The following PEPD variants were observed in gnomAD, a reference collection of about 807,000 sequenced individuals.
PEPD encodes the protein peptidase D.
PEPD carries 53 observed loss-of-function variants against 60.7 expected under a neutral mutation model. The ratio of observed to expected loss-of-function variants is 0.87; its 90% CI spans 0.70 to 1.10. The LOEUF (loss-of-function observed/expected upper bound fraction) is 1.10. Among genes scored for constraint, PEPD ranks in the 50% least tolerant of loss-of-function variants. The pLI, the probability that PEPD is intolerant of heterozygous loss-of-function variation, is 0.00. For missense variants in PEPD, 711 were observed against 711.9 expected, an observed-to-expected ratio of 1.00 and a Z score of 0.01; for synonymous variants, 267 against 284.1, an observed-to-expected ratio of 0.94 and a Z score of 0.60.
At position 33,416,077 on chromosome 19, in the gene PEPD, G is replaced by T. The variant is rs372786253; in HGVS notation, c.672-2434C>A. On this transcript the variant is annotated intron_variant, in intron 9 of 14. Coordinates refer to ENST00000244137, the MANE Select transcript of PEPD (RefSeq NM_000285.4). ...GGGGCCTGTGGAAGCGTGTGAGCCCGGCGCGGCACAGTTCTGATCTTCAAG... is the reference window on the plus strand; with the variant it reads ...GGGGCCTGTGGAAGCGTGTGAGCCCTGCGCGGCACAGTTCTGATCTTCAAG... Among the ~76,000 whole-genome samples the T allele has an allele frequency of 1.8e-3, 280 of 152,320 alleles. No homozygotes were observed. In the Middle Eastern group the frequency reaches 0.02, roughly 11 times the overall value.
chr19:33,519,570 G>A (rs999500750), intron 1 of PEPD, among the ~76,000 whole-genome samples: 2 of 152,200 alleles, frequency 1.3e-5, no homozygotes, highest in African/African-American at 4.8e-5. Context: ...CTGCTCTAAA[G>A]GAAGCCACTG....
At position 33,507,562 on chromosome 19, in the gene PEPD, G is replaced by T. The variant is rs541937030; in HGVS notation, c.329+3466C>A. 9.2e-5 allele frequency among the ~76,000 whole-genome samples: 14 copies of T among 152,246 alleles called. 2 individuals carry two copies. The South Asian group carries it at 2.1e-3, about 23-fold the overall frequency. On this transcript the variant is annotated intron_variant, in intron 3 of 14. Coordinates refer to ENST00000244137, the MANE Select transcript of PEPD (RefSeq NM_000285.4). The stretch of plus-strand genomic sequence containing the variant: ...GGTGTCGTTTCCCTGGGCGACTTTG[G>T]ATTGCAGTATCTGCCAGATGGATTT...
intron 11 of PEPD, among the ~76,000 whole-genome samples, chr19:33,402,673 C>T (rs1968526756): frequency 6.6e-6 from 1 of 152,234 alleles, no homozygotes; most frequent in South Asian, 2.1e-4. Flanking sequence ...AGGTGGGCCC[C>T]CTCACCCTGT....
At chr19:33,415,448 G>T (rs1401579090) in intron 9 of PEPD, among the ~76,000 whole-genome samples, 1 of 152,192 alleles carries the variant, frequency 6.6e-6, no homozygotes, top group Non-Finnish European at 1.5e-5. Context: ...AAGGTTGGAG[G>T]ACTGCTTGAG....
intron 9 of PEPD, among the ~76,000 whole-genome samples, chr19:33,457,571 G>T (rs774082282): frequency 4.6e-5 from 7 of 152,160 alleles, no homozygotes; most frequent in Non-Finnish European, 7.4e-5. Context: ...GCCCAGGCTG[G>T]AATGCAGAGG....
chr19:33,513,760 A>G (rs748807401), intron 1 of PEPD, among the ~76,000 whole-genome samples: 3 of 151,538 alleles, frequency 2.0e-5, no homozygotes, highest in Non-Finnish European at 2.9e-5. Flanking sequence ...GGCTTCCTCT[A>G]CTGTGGCACG....
Position 33,521,778 on chromosome 19 carries a change from G to A in PEPD, c.-18C>T, listed in dbSNP as rs923940760. 2.5e-5 allele frequency: 40 copies of A among 1,569,104 alleles called. No homozygotes were observed. Among genetic ancestry groups the A allele is most frequent in the Non-Finnish European group, 3.3e-5 (38 of 1,162,498 alleles). ...GCCGCCATGTTCGCCCGGCACCGGC[G>A]TCACGTGAAGTGCGGCGTCAGCTGA... On this transcript the variant is annotated 5_prime_UTR_variant, in exon 1 of 15. The change creates a new upstream start codon in the 5' untranslated region. Transcript: ENST00000244137.
intron 9 of PEPD, among the ~76,000 whole-genome samples, chr19:33,416,786 G>C (rs1301917830): frequency 6.6e-6 from 1 of 152,204 alleles, no homozygotes; most frequent in Admixed American, 6.5e-5. Context: ...TTGTATCCAG[G>C]CATAAGTGAG....
intron 12 of PEPD, among the ~76,000 whole-genome samples, chr19:33,396,973 T>A (rs1431920654): frequency 6.6e-6 from 1 of 152,080 alleles, no homozygotes; most frequent in Admixed American, 6.5e-5. Context: ...CCTCCCCCCA[T>A]TCCCCTCACC....
chr19:33,432,930 C>CTCCTCGGCT (rs1969303898), intron 9 of PEPD, among the ~76,000 whole-genome samples: 1 of 152,228 alleles, frequency 6.6e-6, no homozygotes, highest in Non-Finnish European at 1.5e-5. Context: ...GCACCTCGGC[C>CTCCTCGGCT]TCCTCGGCTA....
At chr19:33,489,702 T>C (rs1006122844) in intron 6 of PEPD, among the ~76,000 whole-genome samples, 3 of 152,002 alleles carry the variant, frequency 2.0e-5, no homozygotes, top group East Asian at 1.9e-4. Flanking sequence ...AGCAGATGTT[T>C]AGAGGGAAAA....
rs1395928832 is a variant in PEPD at position 33,462,996 on chromosome 19, T to G, written c.670A>C (p.Ser224Arg). ...KVGMKEYELE[S>R]LFEHYCYSRG... ...ACCCGGAGAAACATGGTGGCTTACCTTTCCAACTCATATTCTTTCATTCCC... is the reference window on the plus strand; with the variant it reads ...ACCCGGAGAAACATGGTGGCTTACCGTTCCAACTCATATTCTTTCATTCCC... Residue 224 changes from serine to arginine, a missense_variant and splice_region_variant, in exon 9 of 15, where the codon AGC becomes CGC. Ser to Arg is a moderately radical substitution (Grantham distance 110). Transcript: ENST00000244137. 6.3e-7 allele frequency: 1 copy of G among 1,589,602 alleles called. No homozygotes were observed. The highest frequency in any genetic ancestry group is 8.6e-7 in the Non-Finnish European group (1 of 1,157,694).
chr19:33,504,012 A>C (rs1001862756), intron 3 of PEPD, among the ~76,000 whole-genome samples: 1 of 152,144 alleles, frequency 6.6e-6, no homozygotes, highest in East Asian at 1.9e-4. Context: ...CCCAAGCCAG[A>C]GGTCTGGTTC....
intron 4 of PEPD, among the ~76,000 whole-genome samples, chr19:33,495,930 G>A (rs1443884320): frequency 1.3e-5 from 2 of 152,028 alleles, no homozygotes; most frequent in African/African-American, 2.4e-5. Flanking sequence ...TCAGTGAGTC[G>A]TGACTGCGCC....
intron 9 of PEPD, among the ~76,000 whole-genome samples, chr19:33,444,163 C>T (rs1358118901): frequency 6.6e-6 from 1 of 152,142 alleles, no homozygotes; most frequent in Non-Finnish European, 1.5e-5. Flanking sequence ...CACACACACG[C>T]TGTATGTCCT....
intron 9 of PEPD, among the ~76,000 whole-genome samples, chr19:33,457,574 T>C (rs963987051): frequency 2.6e-5 from 4 of 152,178 alleles, no homozygotes; most frequent in Non-Finnish European, 5.9e-5. Context: ...CAGGCTGGAA[T>C]GCAGAGGCTC....
intron 7 of PEPD, among the ~76,000 whole-genome samples, chr19:33,473,934 G>A (rs1251562066): frequency 6.6e-6 from 1 of 152,198 alleles, no homozygotes; most frequent in Non-Finnish European, 1.5e-5. Context: ...GTCACAGGAA[G>A]GAAATGAATG....
At chr19:33,403,342 C>T (rs1968546993) in intron 11 of PEPD, among the ~76,000 whole-genome samples, 1 of 152,214 alleles carries the variant, frequency 6.6e-6, no homozygotes, top group Non-Finnish European at 1.5e-5. Flanking sequence ...GGGTCCAGAA[C>T]CAGAGCCAGG....
chr19:33,395,917 C>A (rs1213713667), intron 12 of PEPD, among the ~76,000 whole-genome samples: 1 of 152,200 alleles, frequency 6.6e-6, no homozygotes, highest in Non-Finnish European at 1.5e-5. Flanking sequence ...GCTCACCCCA[C>A]CCTGCACGGG....
Sources: allele counts gnomAD v4.1 joint callset (sites outside exome capture counted in the v4.1 genomes callset), GRCh38; gene constraint gnomAD v4.1.1; transcripts MANE v1.5; gene names NCBI Gene and HGNC (gene_info 2026-07-23, HGNC 2026-07-21).